The following TRDN variants were observed in gnomAD, a reference collection of about 807,000 sequenced individuals.
TRDN encodes triadin in skeletal muscle.
TRDN carries 161 observed loss-of-function variants against 149.7 expected under a neutral mutation model. The ratio of observed to expected loss-of-function variants is 1.08; its 90% CI spans 0.95 to 1.23. TRDN has a LOEUF of 1.23. TRDN is among the 50% of genes most tolerant of loss of function. The probability of loss-of-function intolerance (pLI) is 0.00; values close to 1 mark genes in which losing one functional copy is unlikely to be tolerated. For missense variants in TRDN, 896 were observed against 823.5 expected, an observed-to-expected ratio of 1.09 and a Z score of -1.08; for synonymous variants, 294 against 250.5, an observed-to-expected ratio of 1.17 and a Z score of -1.64.
chr6:123,528,426 C>T (rs1780057444), intron 5 of TRDN, among the ~76,000 whole-genome samples: 1 of 151,802 alleles, frequency 6.6e-6, no homozygotes, highest in African/African-American at 2.4e-5. Flanking sequence ...ATCTAGCTTC[C>T]ACCATAACGA....
At chr6:123,461,055 G>A (rs1230417857) in intron 10 of TRDN, among the ~76,000 whole-genome samples, 1 of 152,120 alleles carries the variant, frequency 6.6e-6, no homozygotes, top group Non-Finnish European at 1.5e-5. Context: ...GCAAAGCTAT[G>A]TAGGGTTCAC....
intron 20 of TRDN, among the ~76,000 whole-genome samples, chr6:123,355,342 C>A (rs1180497812): frequency 6.6e-6 from 1 of 151,618 alleles, no homozygotes; most frequent in Non-Finnish European, 1.5e-5. Context: ...AAAAGATTTG[C>A]CTCCACCACG....
chr6:123,343,939 C>T (rs1347107221), intron 21 of TRDN, among the ~76,000 whole-genome samples: 1 of 151,834 alleles, frequency 6.6e-6, no homozygotes, highest in Non-Finnish European at 1.5e-5. Context: ...GCATGGAACC[C>T]TCATTAATCA....
At chr6:123,466,385 T>C (rs1378491275) in intron 9 of TRDN, among the ~76,000 whole-genome samples, 2 of 152,186 alleles carry the variant, frequency 1.3e-5, no homozygotes, top group Admixed American at 6.5e-5. Context: ...CTCTTTGGGA[T>C]GTGCATATTA....
intron 10 of TRDN, among the ~76,000 whole-genome samples, chr6:123,457,939 C>G (rs574164896): frequency 2.0e-5 from 3 of 152,256 alleles, no homozygotes; most frequent in Middle Eastern, 6.8e-3. Context: ...TCCGAAAGCA[C>G]TACTAAATCC....
intron 5 of TRDN, among the ~76,000 whole-genome samples, chr6:123,518,631 G>A (rs532879411): frequency 1.6e-4 from 24 of 152,314 alleles, no homozygotes; most frequent in Admixed American, 1.1e-3. Flanking sequence ...CAAAGGGACT[G>A]AATTCGGACT....
chr6:123,237,195 C>T (rs1280575330), intron 38 of TRDN, among the ~76,000 whole-genome samples: 4 of 151,522 alleles, frequency 2.6e-5, no homozygotes, highest in African/African-American at 4.9e-5. Flanking sequence ...ATTTTGTTTC[C>T]AATTGCATGT....
intron 1 of TRDN, among the ~76,000 whole-genome samples, chr6:123,574,747 T>C (rs1297442898): frequency 3.3e-5 from 5 of 151,236 alleles, no homozygotes; most frequent in Non-Finnish European, 5.9e-5. Context: ...ACCTGCTTTG[T>C]ATACCGAAAC....
intron 10 of TRDN, among the ~76,000 whole-genome samples, chr6:123,461,515 T>C (rs1338730569): frequency 6.6e-6 from 1 of 152,180 alleles, no homozygotes; most frequent in Non-Finnish European, 1.5e-5. Flanking sequence ...GTCCTGGTAA[T>C]TTTATACTAA....
chr6:123,281,206 A>C (rs2114631741), intron 24 of TRDN, among the ~76,000 whole-genome samples: 1 of 152,234 alleles, frequency 6.6e-6, no homozygotes, highest in South Asian at 2.1e-4. Flanking sequence ...GAAGCAGAGT[A>C]ATCACTGGCA....
At chr6:123,620,527 G>A (rs1570186) in intron 1 of TRDN, among the ~76,000 whole-genome samples, 70,639 of 151,990 alleles carry the variant, frequency 0.46, 19,875 homozygotes, top group African/African-American at 0.8. Context: ...GCTCTTCACA[G>A]AGTTTTACAA....
At chr6:123,263,705 A>G (rs180777216) in intron 33 of TRDN, among the ~76,000 whole-genome samples, 8 of 152,188 alleles carry the variant, frequency 5.3e-5, no homozygotes, top group Admixed American at 2.6e-4. Context: ...AGCTAGAGAG[A>G]AAAGTCAATA....
chr6:123,528,281 T>TTA (rs1780047536), intron 5 of TRDN, among the ~76,000 whole-genome samples: 1 of 151,220 alleles, frequency 6.6e-6, no homozygotes, highest in Non-Finnish European at 1.5e-5. Context: ...ATTTTTTTTT[T>TTA]GCATCCTTCT....
intron 1 of TRDN, among the ~76,000 whole-genome samples, chr6:123,596,418 G>T (rs768092403): frequency 5.9e-5 from 9 of 152,088 alleles, no homozygotes; most frequent in Non-Finnish European, 1.2e-4. Context: ...GATATATGCT[G>T]CGAGGTGTCC....
intron 24 of TRDN, among the ~76,000 whole-genome samples, chr6:123,315,307 C>T (rs945052535): frequency 6.6e-6 from 1 of 151,720 alleles, no homozygotes; most frequent in African/African-American, 2.4e-5. Flanking sequence ...AACATTTTAT[C>T]TCTATTATGC....
At chr6:123,480,824 TA>T (rs553415329) in intron 9 of TRDN, among the ~76,000 whole-genome samples, 18 of 152,078 alleles carry the variant, frequency 1.2e-4, no homozygotes, top group African/African-American at 3.6e-4. Context: ...ACATAGAAAA[TA>T]AATAATGCCT....
rs560723999 is a variant in TRDN, at chr6:123,446,474, G to A, written c.932-7471C>T. On this transcript the variant is annotated intron_variant, in intron 10 of 40. Coordinates refer to ENST00000334268, the MANE Select transcript of TRDN (RefSeq NM_006073.4). ...GTGGTGGGCACCTGTAGCCCCAGCT[G>A]CTCCGGAGGCTGAAGCAGAAGAACG... Among the ~76,000 whole-genome samples the A allele has an allele frequency of 2.1e-4, 32 of 151,378 alleles. No homozygotes were observed. In the East Asian group the frequency reaches 5.1e-3, roughly 24 times the overall value.
chr6:123,336,383 T>C (rs1281581561), intron 22 of TRDN, among the ~76,000 whole-genome samples: 1 of 151,956 alleles, frequency 6.6e-6, no homozygotes, highest in Non-Finnish European at 1.5e-5. Context: ...ATATGTAAAG[T>C]AGGTATCAAG....
intron 1 of TRDN, among the ~76,000 whole-genome samples, chr6:123,622,031 T>A (rs1274514096): frequency 6.6e-6 from 1 of 152,140 alleles, no homozygotes; most frequent in East Asian, 1.9e-4. Flanking sequence ...AGAATCTTTT[T>A]AAATGAAAGT....
Sources: gnomAD v4.1 joint callset for allele counts (sites outside exome capture counted in the v4.1 genomes callset) on GRCh38, gnomAD v4.1.1 for gene constraint, MANE v1.5 for transcripts, NCBI Gene and HGNC (gene_info 2026-07-23, HGNC 2026-07-21) for gene names.